The following CBFA2T2 variants were observed in gnomAD, a reference collection of about 807,000 sequenced individuals.
CBFA2T2 encodes the protein CBFA2/RUNX1 partner transcriptional co-repressor 2, also known as protein CBFA2T2.
In CBFA2T2, 11 loss-of-function variants were observed where a neutral mutation model predicts 62.2. The observed-to-expected ratio is 0.18, with a 90% CI of 0.11 to 0.29. The LOEUF (loss-of-function observed/expected upper bound fraction) is 0.29, where lower values mean the gene tolerates loss of function less well. Ranked by LOEUF, CBFA2T2 falls within the 10% of genes least tolerant of loss-of-function variation. The pLI is 1.00. For missense variants in CBFA2T2, 592 were observed against 774.1 expected (o/e 0.76, Z 2.79); for synonymous variants, 295 against 287.5 (o/e 1.03, Z -0.27).
At chr20:33,585,410 A>G (rs1050818178) in intron 1 of CBFA2T2, among the ~76,000 whole-genome samples, 1 of 152,214 alleles carries the variant, frequency 6.6e-6, no homozygotes, top group African/African-American at 2.4e-5. Flanking sequence ...CTACATATAT[A>G]TAGGAAGGTC....
chr20:33,628,479 T>A (rs1268193990), intron 7 of CBFA2T2, 44 bp downstream of exon 7: 2 of 1,395,586 alleles, frequency 1.4e-6, no homozygotes, highest in Admixed American at 1.7e-5. Context: ...CTTTATTACT[T>A]TTTTTTGAAA....
intron 1 of CBFA2T2, among the ~76,000 whole-genome samples, chr20:33,529,406 C>T (rs1230362521): frequency 6.6e-6 from 1 of 152,092 alleles, no homozygotes; most frequent in African/African-American, 2.4e-5. Flanking sequence ...TCTTTCAACT[C>T]TGGTTTAACT....
chr20:33,585,314 A>G (rs2014313967), intron 1 of CBFA2T2, among the ~76,000 whole-genome samples: 1 of 152,222 alleles, frequency 6.6e-6, no homozygotes, highest in South Asian at 2.1e-4. Flanking sequence ...TTTACCTCTT[A>G]TCCCCATCGT....
intron 1 of CBFA2T2, among the ~76,000 whole-genome samples, chr20:33,510,558 C>T (rs984778695): frequency 6.6e-6 from 1 of 152,014 alleles, no homozygotes; most frequent in African/African-American, 2.4e-5. Flanking sequence ...GGGTTGGTTC[C>T]GAGTCTTTGC....
rs766011717 is a variant in CBFA2T2, at chr20:33,640,528, G to A, written c.1485G>A (p.Thr495=). 9 of 1,613,936 alleles carry A rather than the reference G, an allele frequency of 5.6e-6. No homozygotes were observed. The highest frequency in any genetic ancestry group is 2.2e-5 in the South Asian group (2 of 91,080). Residue 495 remains threonine, a synonymous_variant, in exon 10 of 11, where the codon ACG becomes ACA. Transcript: ENST00000342704. The part of the protein sequence containing the change: ...FLVINEQEES[T]ENCWNCGRKA... ...TCATCAATGAGCAAGAGGAGTCCAC[G>A]GAGGTCAGAGCTCTGCGCCCTGGGG...
At chr20:33,600,182 G>GTT (rs1183371343) in intron 1 of CBFA2T2, among the ~76,000 whole-genome samples, 1,513 of 61,898 alleles carry the variant, frequency 0.024, 265 homozygotes, top group African/African-American at 0.044. Context: ...CTTTTGGAAA[G>GTT]TTTTTTTTTT....
chr20:33,531,990 C>T (rs1171375352), intron 1 of CBFA2T2, among the ~76,000 whole-genome samples: 1 of 152,196 alleles, frequency 6.6e-6, no homozygotes, highest in Non-Finnish European at 1.5e-5. Context: ...TTTGAACATA[C>T]ACAAAGTAGA....
chr20:33,508,749 A>G (rs973633920), intron 1 of CBFA2T2, among the ~76,000 whole-genome samples: 4 of 152,194 alleles, frequency 2.6e-5, no homozygotes, highest in Admixed American at 1.3e-4. Context: ...CCCTGCTGCA[A>G]AGGACATGAT....
intron 1 of CBFA2T2, among the ~76,000 whole-genome samples, chr20:33,527,368 ATTTTTTTTTT>A (rs66870528): frequency 4.0e-5 from 3 of 74,452 alleles, no homozygotes; most frequent in Non-Finnish European, 8.5e-5. Context: ...GGCCCGACTG[ATTTTTTTTTT>A]TTTTTTTTTT....
chr20:33,542,555 T>G (rs1169585540), intron 1 of CBFA2T2, among the ~76,000 whole-genome samples: 1 of 152,228 alleles, frequency 6.6e-6, no homozygotes, highest in Non-Finnish European at 1.5e-5. Flanking sequence ...GACATATGCA[T>G]TTGAGTTTTG....
At chr20:33,562,553 A>T (rs1369386484) in intron 1 of CBFA2T2, 1 of 985,764 alleles carries the variant, frequency 1.0e-6, no homozygotes, top group Non-Finnish European at 1.2e-6. Context: ...AAGGAGGAGG[A>T]AGGCTGGTCT....
intron 1 of CBFA2T2, among the ~76,000 whole-genome samples, chr20:33,506,231 C>T (rs2011400545): frequency 6.6e-6 from 1 of 151,864 alleles, no homozygotes; most frequent in African/African-American, 2.4e-5. Flanking sequence ...CAACACAGAC[C>T]CTGTCTCTAC....
intron 1 of CBFA2T2, among the ~76,000 whole-genome samples, chr20:33,554,600 C>CTTTTTTTTTTTTTTTTTTTTTTTTTT (rs752877501): frequency 3.6e-5 from 2 of 56,286 alleles, no homozygotes; most frequent in Non-Finnish European, 6.9e-5. Flanking sequence ...TTTTTCTTTT[C>CTTTTTTTTTTTTTTTTTTTTTTTTTT]TTTTTTTTTT....
chr20:33,548,398 C>T (rs1045192791), intron 1 of CBFA2T2, among the ~76,000 whole-genome samples: 9 of 151,888 alleles, frequency 5.9e-5, no homozygotes, highest in East Asian at 5.8e-4. Context: ...TGCCCACCAC[C>T]GCACCTGGCT....
chr20:33,602,463 A>C (rs1049658025), intron 1 of CBFA2T2, among the ~76,000 whole-genome samples: 1 of 151,266 alleles, frequency 6.6e-6, no homozygotes, highest in Non-Finnish European at 1.5e-5. Flanking sequence ...ACTCAAAAGC[A>C]ATTTATAATG....
At chr20:33,567,035 T>TAA (rs1356974457) in intron 1 of CBFA2T2, among the ~76,000 whole-genome samples, 1 of 152,196 alleles carries the variant, frequency 6.6e-6, no homozygotes, top group Non-Finnish European at 1.5e-5. Context: ...AGTCAGTAAA[T>TAA]AAAGGAATTA....
rs1376708400 is a variant in CBFA2T2, at chr20:33,614,909, A to G, written c.420+3574A>G. ...GTCCTAGATGCCAGCCAGTGGCCCA[A>G]CCTTACAAGCAGGCCTTTCTAAGGC... is the stretch of plus-strand genomic sequence containing the variant. On this transcript the variant is annotated intron_variant, in intron 3 of 10. Transcript: ENST00000342704. Among the ~76,000 whole-genome samples, 3 of 152,348 alleles carry G rather than the reference A, an allele frequency of 2.0e-5. No homozygotes were observed. In the East Asian group the frequency reaches 5.8e-4, roughly 29 times the overall value.
intron 8 of CBFA2T2, among the ~76,000 whole-genome samples, chr20:33,630,450 T>C (rs767966594): frequency 2.0e-5 from 3 of 152,196 alleles, no homozygotes; most frequent in Non-Finnish European, 2.9e-5. Context: ...TGAAAGTGTT[T>C]ACCTTACCTT....
chr20:33,628,221 C>T (rs2016318523), intron 6 of CBFA2T2, 129 bp from the exon 7 acceptor site: 2 of 668,600 alleles, frequency 3.0e-6, no homozygotes, highest in East Asian at 5.4e-5. Flanking sequence ...GGGTCCCCCA[C>T]CCCATTGTGA....
Sources: allele counts gnomAD v4.1 joint callset (sites outside exome capture counted in the v4.1 genomes callset), GRCh38; gene constraint gnomAD v4.1.1; transcripts MANE v1.5; gene names NCBI Gene and HGNC (gene_info 2026-07-23, HGNC 2026-07-21).